Variants in POLR1C observed in about 807,000 individuals in gnomAD.
The protein encoded by POLR1C is DNA-directed RNA polymerases I and III subunit RPAC1.
A neutral mutation model predicts 38.3 loss-of-function variants in POLR1C; 42 were observed. The observed-to-expected ratio is 1.10, with a 90% CI of 0.86 to 1.42. POLR1C has a LOEUF of 1.42. Among genes scored for constraint, POLR1C ranks in the 40% most tolerant of loss-of-function variants. The pLI, the probability that POLR1C is intolerant of heterozygous loss-of-function variation, is 0.00. For synonymous variants in POLR1C, 163 were observed against 163.9 expected, an observed-to-expected ratio of 0.99 and a Z score of 0.04; for missense variants, 507 against 450.5, an observed-to-expected ratio of 1.13 and a Z score of -1.14.
chr6:43,547,214 A>G, intron 9 of POLR1C: 1 of 365,310 alleles, frequency 2.7e-6, no homozygotes, highest in South Asian at 2.3e-5. Context: ...AGCCAGGAAC[A>G]ATGCTTATTT....
chr6:43,530,915 A>G (rs570854797), downstream of POLR1C: 53 of 1,465,304 alleles, frequency 3.6e-5, no homozygotes, highest in South Asian at 6.2e-4. Flanking sequence ...CTAGCCTACA[A>G]TAAGGTTTTT....
At chr6:43,540,667 T>G (rs1224627986) in intron 9 of POLR1C, among the ~76,000 whole-genome samples, 1 of 151,890 alleles carries the variant, frequency 6.6e-6, no homozygotes, top group Non-Finnish European at 1.5e-5. Context: ...AAAAATAAAT[T>G]AAAAAATCGA....
chr6:43,538,771 CTTTTTTTT>C, intron 9 of POLR1C: 1 of 532,674 alleles, frequency 1.9e-6, no homozygotes, highest in Non-Finnish European at 3.1e-6. Flanking sequence ...CTACATTTTT[CTTTTTTTT>C]TTTCCCACGC....
chr6:43,531,970 T>C (rs1417426858), downstream of POLR1C, among the ~76,000 whole-genome samples: 1 of 152,192 alleles, frequency 6.6e-6, no homozygotes, highest in East Asian at 1.9e-4. Context: ...CCACTTACCT[T>C]AGTATTAAAA....
At chr6:43,556,666 G>C (rs898645816) in intron 10 of POLR1C, among the ~76,000 whole-genome samples, 4 of 151,994 alleles carry the variant, frequency 2.6e-5, no homozygotes, top group African/African-American at 9.7e-5. Flanking sequence ...TCTACTCCTA[G>C]TTATATATCT....
downstream of POLR1C, chr6:43,533,931 C>A: frequency 6.2e-7 from 1 of 1,605,950 alleles, no homozygotes; most frequent in South Asian, 1.1e-5. Context: ...TTTTCCGCGT[C>A]AAGCATATCC....
downstream of POLR1C, chr6:43,524,977 A>G (rs562340593): frequency 6.2e-7 from 1 of 1,612,396 alleles, no homozygotes; most frequent in South Asian, 1.1e-5. Context: ...ACCTGGGGAG[A>G]CAACTGTGCT....
At chr6:43,528,352 G>T in intron 8 of POLR1C, 1 of 746,532 alleles carries the variant, frequency 1.3e-6, no homozygotes. Context: ...ACACCACAAG[G>T]TTAAAAAAAA....
chr6:43,523,304 C>T, downstream of POLR1C: 1 of 230,762 alleles, frequency 4.3e-6, no homozygotes, highest in South Asian at 6.2e-5. Context: ...AGATTCTTGC[C>T]CAAAGCAAAG....
chr6:43,556,620 A>G (rs1482476661), intron 10 of POLR1C, among the ~76,000 whole-genome samples: 1 of 152,192 alleles, frequency 6.6e-6, no homozygotes, highest in Non-Finnish European at 1.5e-5. Flanking sequence ...AGTTCCTGAA[A>G]ATATTAAACT....
chr6:43,531,870 G>A (rs1218860933), downstream of POLR1C, among the ~76,000 whole-genome samples: 3 of 152,018 alleles, frequency 2.0e-5, no homozygotes, highest in Non-Finnish European at 4.4e-5. Context: ...ATAAAGCTCT[G>A]GGGATGCTCC....
intron 10 of POLR1C, chr6:43,555,691 C>T (rs1039008908): frequency 2.8e-5 from 27 of 949,592 alleles, no homozygotes; most frequent in Middle Eastern, 2.9e-4. Context: ...CCAATGAAAA[C>T]GCTCCCTCTC....
chr6:43,545,354 T>C (rs1794911455), intron 9 of POLR1C, among the ~76,000 whole-genome samples: 1 of 152,180 alleles, frequency 6.6e-6, no homozygotes, highest in African/African-American at 2.4e-5. Flanking sequence ...AGACTGCTTT[T>C]ACTCCTTGGA....
intron 9 of POLR1C, among the ~76,000 whole-genome samples, chr6:43,541,936 C>A (rs758278925): frequency 3.9e-5 from 6 of 152,120 alleles, no homozygotes; most frequent in Non-Finnish European, 7.3e-5. Context: ...CACACCACCA[C>A]GCCTGGCTAA....
intron 9 of POLR1C, among the ~76,000 whole-genome samples, chr6:43,548,705 AG>A (rs1795083140): frequency 6.6e-6 from 1 of 151,548 alleles, no homozygotes; most frequent in Non-Finnish European, 1.5e-5. Flanking sequence ...AACTGTGAAA[AG>A]ATCAGCTTGT....
At chr6:43,560,179 T>G in intron 10 of POLR1C, 1 of 1,612,550 alleles carries the variant, frequency 6.2e-7, no homozygotes, top group Non-Finnish European at 8.5e-7. Flanking sequence ...ATTATATACC[T>G]TGACCAAGTT....
At chr6:43,538,653 G>A (rs982719976) in intron 9 of POLR1C, among the ~76,000 whole-genome samples, 3 of 152,028 alleles carry the variant, frequency 2.0e-5, no homozygotes, top group Non-Finnish European at 4.4e-5. Context: ...TGGGATTTTC[G>A]TCTCTATGTT....
intron 9 of POLR1C, chr6:43,539,574 G>C: frequency 7.3e-7 from 1 of 1,362,798 alleles, no homozygotes; most frequent in Non-Finnish European, 1.0e-6. Context: ...CCTCAGCCCC[G>C]GCCCGGTCCA....
chr6:43,542,011 C>G (rs1406289260), intron 9 of POLR1C, among the ~76,000 whole-genome samples: 1 of 152,092 alleles, frequency 6.6e-6, no homozygotes, highest in Non-Finnish European at 1.5e-5. Context: ...AACTCTTGAC[C>G]TCAAGTGATC....
Sources: allele counts gnomAD v4.1 joint callset (sites outside exome capture counted in the v4.1 genomes callset), GRCh38; gene constraint gnomAD v4.1.1; transcripts MANE v1.5; gene names NCBI Gene and HGNC (gene_info 2026-07-23, HGNC 2026-07-21).